The following NCOR2 variants were observed in gnomAD, a reference collection of about 807,000 sequenced individuals.
NCOR2 encodes the protein CTG repeat protein 26.
In NCOR2, 81 loss-of-function variants were observed where a neutral mutation model predicts 262.9. That is an observed-to-expected ratio of 0.31 (90% confidence interval 0.26 to 0.37). The LOEUF (loss-of-function observed/expected upper bound fraction) is 0.37. NCOR2 is among the 10% of genes least tolerant of loss of function. The pLI is 1.00. For synonymous variants in NCOR2, 1,659 were observed against 1,559.3 expected, an observed-to-expected ratio of 1.06 and a Z score of -1.51; for missense variants, 3,385 against 3,621.4, an observed-to-expected ratio of 0.93 and a Z score of 1.68.
chr12:124,325,392 C>CCCCCCCGG, exon 47 of NCOR2: 9 of 1,152,254 alleles, frequency 7.8e-6, no homozygotes, highest in Non-Finnish European at 1.0e-5. Context: ...CCCCCCCGCC[C>CCCCCCCGG]TGTTCTGAGT....
chr12:124,356,547 A>C (rs2037970692), intron 23 of NCOR2, 95 bp downstream of exon 25: 1 of 1,126,554 alleles, frequency 8.9e-7, no homozygotes, highest in Non-Finnish European at 1.2e-6. Flanking sequence ...TAAGGCTTTA[A>C]GATGCTTCTG....
At chr12:124,430,709 G>C in exon 9 of NCOR2, 2 of 1,614,086 alleles carry the variant, frequency 1.2e-6, no homozygotes, top group Admixed American at 1.7e-5. Context: ...GCCCGCCGCC[G>C]GGGGTTGTTC....
rs2038395484 is a variant in NCOR2 at position 124,359,909 on chromosome 12, C to G, written c.3100+2217G>C. Among the ~76,000 whole-genome samples, 5 of 152,210 alleles carry G rather than the reference C, an allele frequency of 3.3e-5. No individual in the cohort carries two copies. The South Asian group carries it at 1.0e-3, about 31-fold the overall frequency. ...AAGTTCATGTGTGTCCCTGCGGGAG[C>G]TGAGCTGCAAGCCAGGCTGTGCAAG... On this transcript the variant is annotated intron_variant, in intron 22 of 46. Coordinates refer to ENST00000405201, the Ensembl canonical transcript of NCOR2.
chr12:124,518,898 C>T (rs1324454745), intron 1 of NCOR2, among the ~76,000 whole-genome samples: 1 of 152,214 alleles, frequency 6.6e-6, no homozygotes, highest in African/African-American at 2.4e-5. Flanking sequence ...TGGTTCCGAA[C>T]CCAGGCCTCG....
intron 1 of NCOR2, among the ~76,000 whole-genome samples, chr12:124,526,656 C>A (rs188008361): frequency 2.0e-5 from 3 of 152,198 alleles, no homozygotes; most frequent in Non-Finnish European, 4.4e-5. Flanking sequence ...CTCTCCCCCG[C>A]GGACAGACAG....
chr12:124,339,894 C>CCCCCCCCCCCCCCCCCCCCCTA, intron 37 of NCOR2, 112 bp downstream of exon 39: 1 of 335,820 alleles, frequency 3.0e-6, no homozygotes, highest in East Asian at 8.5e-5. Context: ...CACACATCTG[C>CCCCCCCCCCCCCCCCCCCCCTA]CCACCCACCC....
At chr12:124,354,647 A>C in intron 25 of NCOR2, 65 bp from the exon 28 acceptor site, 2 of 1,421,226 alleles carry the variant, frequency 1.4e-6, no homozygotes, top group Non-Finnish European at 1.9e-6. Context: ...GCTTGTCCCC[A>C]CCCAACCTGA....
chr12:124,438,678 GAGAGGGAGACAGAGACCCAGAA>G (rs2044531105), intron 7 of NCOR2, among the ~76,000 whole-genome samples: 5 of 142,832 alleles, frequency 3.5e-5, no homozygotes, highest in African/African-American at 1.0e-4. Context: ...TTCAGAGAGA[GAGAGGGAGACAGAGACCCAGAA>G]AGAGAGGGAG....
intron 1 of NCOR2, among the ~76,000 whole-genome samples, chr12:124,489,891 C>G (rs2136860066): frequency 6.6e-6 from 1 of 152,208 alleles, no homozygotes; most frequent in East Asian, 1.9e-4. Flanking sequence ...AGAGGAGTGC[C>G]CCTCTCTGGC....
intron 16 of NCOR2, among the ~76,000 whole-genome samples, chr12:124,387,581 C>G (rs112437903): frequency 2.0e-5 from 3 of 152,142 alleles, no homozygotes; most frequent in Admixed American, 6.5e-5. Flanking sequence ...GACTGACAGG[C>G]CACCTGTTCG....
intron 8 of NCOR2, among the ~76,000 whole-genome samples, chr12:124,434,915 A>C (rs2044243800): frequency 6.6e-6 from 1 of 152,240 alleles, no homozygotes; most frequent in Non-Finnish European, 1.5e-5. Flanking sequence ...CTCTTCTGTC[A>C]AATTTCTTAG....
intron 20 of NCOR2, among the ~76,000 whole-genome samples, chr12:124,364,450 C>T (rs915086647): frequency 6.6e-6 from 1 of 152,232 alleles, no homozygotes; most frequent in Non-Finnish European, 1.5e-5. Flanking sequence ...ATAACAAGGG[C>T]CCAGGCCACA....
intron 3 of NCOR2, among the ~76,000 whole-genome samples, chr12:124,480,812 G>C (rs1417516357): frequency 2.7e-5 from 4 of 149,134 alleles, no homozygotes; most frequent in South Asian, 4.4e-4. Context: ...CCAGGCGAGT[G>C]GGGGAAGGAG....
chr12:124,328,918 G>A, intron 44 of NCOR2: 1 of 306,944 alleles, frequency 3.3e-6, no homozygotes, highest in South Asian at 2.8e-5. Flanking sequence ...CTGCTGTCTT[G>A]GCCACATTTC....
At chr12:124,514,702 G>A (rs2049609510) in intron 1 of NCOR2, 1 of 151,640 alleles carries the variant, frequency 6.6e-6, no homozygotes, top group Non-Finnish European at 1.5e-5. Context: ...CAAAAATTAG[G>A]CATGGTGGTA....
chr12:124,537,638 G>C (rs2051155013), upstream of NCOR2, among the ~76,000 whole-genome samples: 2 of 152,222 alleles, frequency 1.3e-5, no homozygotes, highest in Admixed American at 1.3e-4. Context: ...TGCCACTCCA[G>C]TGTGTGCCAC....
intron 15 of NCOR2, 148 bp downstream of exon 17, chr12:124,400,353 A>C: frequency 3.9e-6 from 4 of 1,025,260 alleles, no homozygotes; most frequent in Non-Finnish European, 5.8e-6. Flanking sequence ...CACATCCAGT[A>C]GGTAGCGCTG....
upstream of NCOR2, chr12:124,539,427 T>G (rs1313732406): frequency 6.5e-6 from 1 of 152,710 alleles, no homozygotes; most frequent in Admixed American, 6.5e-5. The surrounding 1 kb of genome is among the most constrained non-coding windows in gnomAD (Gnocchi z 5.1). Flanking sequence ...AGCTCCTTCA[T>G]GCTCACTGTC....
intron 16 of NCOR2, among the ~76,000 whole-genome samples, chr12:124,395,172 G>C (rs2041568382): frequency 6.6e-6 from 1 of 152,308 alleles, no homozygotes; most frequent in African/African-American, 2.4e-5. Flanking sequence ...GATGGGTAAA[G>C]GATGGGCAGA....
Sources: allele counts gnomAD v4.1 joint callset (sites outside exome capture counted in the v4.1 genomes callset), GRCh38; gene constraint gnomAD v4.1.1; non-coding constraint Gnocchi (gnomAD v3.1); transcripts MANE v1.5; gene names NCBI Gene and HGNC (gene_info 2026-07-23, HGNC 2026-07-21).